MRPS35: variants seen among roughly 807,000 people sequenced by gnomAD.
The protein encoded by MRPS35 is small ribosomal subunit protein mS35.
MRPS35 carries 29 observed loss-of-function variants against 32.7 expected under a neutral mutation model. The observed-to-expected ratio is 0.89, with a 90% confidence interval of 0.66 to 1.21. The LOEUF (loss-of-function observed/expected upper bound fraction) is 1.21, where lower values mean the gene tolerates loss of function less well. Ranked by LOEUF, MRPS35 falls within the 50% of genes most tolerant of loss-of-function variation. The pLI is 0.00. For missense variants in MRPS35, 373 were observed against 383.8 expected, an observed-to-expected ratio of 0.97 and a Z score of 0.23; for synonymous variants, 148 against 139.3, an observed-to-expected ratio of 1.06 and a Z score of -0.44.
intron 3 of MRPS35, among the ~76,000 whole-genome samples, chr12:27,717,159 G>T (rs2061854496): frequency 6.6e-6 from 1 of 152,040 alleles, no homozygotes; most frequent in Admixed American, 6.6e-5. Flanking sequence ...TGGGATTACA[G>T]GTGTGAGCCA....
intron 4 of MRPS35, 145 bp downstream of exon 4, chr12:27,720,013 C>T (rs1027870955): frequency 2.1e-5 from 13 of 613,332 alleles, no homozygotes; most frequent in Non-Finnish European, 3.4e-5. Context: ...TTTTTGCTAA[C>T]CACTACAAGG....
At chr12:27,739,782 A>G (rs1349122078) in intron 7 of MRPS35, among the ~76,000 whole-genome samples, 1 of 152,236 alleles carries the variant, frequency 6.6e-6, no homozygotes, top group Non-Finnish European at 1.5e-5. Flanking sequence ...TTTTGCCAGT[A>G]TCTATTAGAA....
chr12:27,755,260 A>G lies in MRPS35; in HGVS notation c.782A>G (p.Asn261Ser), dbSNP rs2062021814. ...TGGGAAAATAGCTCATCAGAAAGAA[A>G]TATCCTGGAAACGCTTCTCCAGATG... is the stretch of plus-strand genomic sequence containing the variant. ...YIWENSSSER[N>S]ILETLLQMKA... Residue 261 changes from asparagine (N) to serine (S), a missense_variant, in exon 8 of 8, where the codon AAT (asparagine) becomes AGT (serine). Coordinates refer to ENST00000081029, the MANE Select transcript of MRPS35 (RefSeq NM_021821.4). The G allele has an allele frequency of 6.2e-7, 1 of 1,612,288 alleles. No homozygotes were observed. Among genetic ancestry groups the G allele is most frequent in the Non-Finnish European group, 8.5e-7 (1 of 1,179,694 alleles).
chr12:27,720,210 A>G (rs1263979972), intron 4 of MRPS35, among the ~76,000 whole-genome samples: 1 of 151,978 alleles, frequency 6.6e-6, no homozygotes, highest in Non-Finnish European at 1.5e-5. Context: ...TGGCCAACAT[A>G]GTGAAACCCT....
intron 2 of MRPS35, among the ~76,000 whole-genome samples, chr12:27,715,921 A>G (rs2061848453): frequency 6.6e-6 from 1 of 152,134 alleles, no homozygotes; most frequent in South Asian, 2.1e-4. Flanking sequence ...ACGCCCCCTC[A>G]TGTACTACTG....
chr12:27,731,676 C>T (rs937827147), intron 5 of MRPS35, among the ~76,000 whole-genome samples: 3 of 152,164 alleles, frequency 2.0e-5, no homozygotes, highest in Non-Finnish European at 4.4e-5. Flanking sequence ...TCAAGCGATT[C>T]TCCTGCTTCA....
At chr12:27,750,655 A>AT (rs1214229660) in intron 7 of MRPS35, among the ~76,000 whole-genome samples, 1 of 152,020 alleles carries the variant, frequency 6.6e-6, no homozygotes, top group Non-Finnish European at 1.5e-5. Flanking sequence ...AAATGCAAAC[A>AT]TTAGCAGGGC....
At chr12:27,737,712 C>A in intron 7 of MRPS35, 104 bp downstream of exon 7, 1 of 868,654 alleles carries the variant, frequency 1.2e-6, no homozygotes, top group Non-Finnish European at 1.8e-6. Context: ...ATTTTGTGAA[C>A]TGCTGAATAA....
At chr12:27,714,452 G>A (rs574363211) in intron 1 of MRPS35, among the ~76,000 whole-genome samples, 2 of 152,036 alleles carry the variant, frequency 1.3e-5, no homozygotes, top group East Asian at 3.9e-4. Context: ...CAGGTGTGGT[G>A]GGGTGTACTG....
intron 5 of MRPS35, among the ~76,000 whole-genome samples, chr12:27,727,897 C>T (rs989696008): frequency 6.6e-6 from 1 of 152,062 alleles, no homozygotes; most frequent in Non-Finnish European, 1.5e-5. Flanking sequence ...TTGAATATAA[C>T]CTAGTACATC....
chr12:27,716,550 C>A, intron 3 of MRPS35, 92 bp downstream of exon 3: 1 of 1,161,352 alleles, frequency 8.6e-7, no homozygotes, highest in South Asian at 1.4e-5. Context: ...CTTCACCGTT[C>A]AGTGTATAGC....
chr12:27,741,231 A>G (rs952813711), intron 7 of MRPS35, among the ~76,000 whole-genome samples: 3 of 152,132 alleles, frequency 2.0e-5, no homozygotes, highest in African/African-American at 7.2e-5. Context: ...TTGGTGTCCT[A>G]TTTTAGTATT....
In MRPS35 at chr12:27,724,214, T is replaced by A. The variant is rs752631318; in HGVS notation, c.522+28T>A. 7.1e-5 allele frequency: 106 copies of A among 1,495,916 alleles called. No individual in the cohort carries two copies. The African/African-American group carries it at 9.0e-4, about 13-fold the overall frequency. The allele number at this position is 1,495,916 out of a possible 1,614,324, so 92.7% of individuals were successfully genotyped here. A position where few individuals can be genotyped will look rare whatever the true frequency, so the allele number is the denominator to read the frequency against. ...AAGAGTTTTTTTCATTTTTTTTTTT[T>A]AAATAAGAATCATTCTAATACATTA... On this transcript the variant is annotated intron_variant, in intron 5 of 7. Transcript: ENST00000081029.
At chr12:27,733,774 T>C (rs1256754214) in intron 5 of MRPS35, among the ~76,000 whole-genome samples, 1 of 152,252 alleles carries the variant, frequency 6.6e-6, no homozygotes, top group Non-Finnish European at 1.5e-5. Flanking sequence ...CATTGTCTAA[T>C]TGAGAGTTAA....
At chr12:27,728,070 A>G (rs1012741063) in intron 5 of MRPS35, among the ~76,000 whole-genome samples, 3 of 152,068 alleles carry the variant, frequency 2.0e-5, no homozygotes, top group Non-Finnish European at 4.4e-5. Flanking sequence ...TGAATCCACA[A>G]ATGTGGAGCC....
chr12:27,730,698 T>C (rs993010725), intron 5 of MRPS35, among the ~76,000 whole-genome samples: 1 of 152,156 alleles, frequency 6.6e-6, no homozygotes, highest in Non-Finnish European at 1.5e-5. Context: ...CTGGAACTCC[T>C]GGGCTCAAGT....
At chr12:27,747,542 C>T (rs2061985468) in intron 7 of MRPS35, among the ~76,000 whole-genome samples, 1 of 152,098 alleles carries the variant, frequency 6.6e-6, no homozygotes, top group South Asian at 2.1e-4. Flanking sequence ...ATATTTGCCT[C>T]TTCGTATTTT....
intron 6 of MRPS35, among the ~76,000 whole-genome samples, chr12:27,736,604 G>A (rs2061944208): frequency 6.6e-6 from 1 of 151,878 alleles, no homozygotes; most frequent in South Asian, 2.1e-4. Context: ...AGAATAAGCA[G>A]TATAGTTGAA....
chr12:27,713,509 T>C, intron 1 of MRPS35, among the ~76,000 whole-genome samples: 1 of 151,934 alleles, frequency 6.6e-6, no homozygotes, highest in East Asian at 1.9e-4. Context: ...GTTCCTGGAG[T>C]CCAAAGGCTG....
Sources: gnomAD v4.1 joint callset for allele counts (sites outside exome capture counted in the v4.1 genomes callset) on GRCh38, gnomAD v4.1.1 for gene constraint, MANE v1.5 for transcripts, NCBI Gene and HGNC (gene_info 2026-07-23, HGNC 2026-07-21) for gene names.